Variants in TENM2 observed in about 807,000 individuals in gnomAD.
The protein encoded by TENM2 is teneurin transmembrane protein 2.
TENM2 carries 52 observed loss-of-function variants against 245.2 expected under a neutral mutation model. The ratio of observed to expected loss-of-function variants is 0.21; its 90% CI spans 0.17 to 0.27. The LOEUF (loss-of-function observed/expected upper bound fraction) is 0.27. Among genes scored for constraint, TENM2 ranks in the 10% least tolerant of loss-of-function variants. TENM2 has a pLI of 1.00. For missense variants in TENM2, 3,046 were observed against 3,666.8 expected (o/e 0.83, Z 4.37); for synonymous variants, 1,363 against 1,438.9 (o/e 0.95, Z 1.19).
chr5:167,127,939 C>T, the TENM2 span, among the ~76,000 whole-genome samples: 4 of 152,194 alleles, frequency 2.6e-5, no homozygotes, highest in Admixed American at 2.0e-4. Flanking sequence ...CTACTTCAGC[C>T]CCTCCAGTGT....
At chr5:167,264,869 C>T in the TENM2 span, among the ~76,000 whole-genome samples, 2 of 152,102 alleles carry the variant, frequency 1.3e-5, no homozygotes, top group African/African-American at 2.4e-5. Flanking sequence ...TCAAATTGTA[C>T]CTAGGCATCT....
At chr5:167,134,066 G>C in the TENM2 span, among the ~76,000 whole-genome samples, 1 of 152,100 alleles carries the variant, frequency 6.6e-6, no homozygotes, top group African/African-American at 2.4e-5. Context: ...CCATAGAATA[G>C]TCATCAAAGA....
At chr5:167,723,839 C>T (rs1759805332) in intron 2 of TENM2, among the ~76,000 whole-genome samples, 1 of 152,174 alleles carries the variant, frequency 6.6e-6, no homozygotes, top group African/African-American at 2.4e-5. Context: ...CATTACTGTT[C>T]ATGGAGCCCT....
intron 12 of TENM2, among the ~76,000 whole-genome samples, chr5:168,142,376 G>T (rs965669907): frequency 6.6e-6 from 1 of 152,124 alleles, no homozygotes; most frequent in African/African-American, 2.4e-5. Context: ...TTTAAATTTC[G>T]GCTTCCATCA....
At chr5:167,254,198 C>T in the TENM2 span, among the ~76,000 whole-genome samples, 1 of 152,100 alleles carries the variant, frequency 6.6e-6, no homozygotes, top group East Asian at 1.9e-4. Flanking sequence ...TTATAGTGTG[C>T]AGAACCAGGG....
chr5:167,865,791 A>C (rs1043822470), intron 2 of TENM2, among the ~76,000 whole-genome samples: 2 of 152,178 alleles, frequency 1.3e-5, no homozygotes, highest in Non-Finnish European at 2.9e-5. Context: ...CATACATTTA[A>C]ATTCAGAATC....
rs770647640 is a variant in TENM2 at position 167,776,624 on chromosome 5, A to ACC, written c.503-99362_503-99361insCC. On this transcript the variant is annotated intron_variant, in intron 2 of 28. Transcript: ENST00000518659. ...AAAAAAAAAAAAAAAAAAAAAAAAA[A>ACC]AACCATATATATGTATCTATATATA... 4.4e-4 allele frequency among the ~76,000 whole-genome samples: 27 copies of ACC among 61,266 alleles called. 1 individual carries two copies. The highest frequency in any genetic ancestry group is 2.0e-3 in the African/African-American group (27 of 13,620). 40.2% of individuals were successfully genotyped at this position (61,266 alleles called of 152,430 possible).
At chr5:167,829,835 A>G (rs1768311245) in intron 2 of TENM2, among the ~76,000 whole-genome samples, 1 of 152,178 alleles carries the variant, frequency 6.6e-6, no homozygotes, top group South Asian at 2.1e-4. Context: ...ATTAGCTGGC[A>G]TGTGACACCA....
intron 2 of TENM2, among the ~76,000 whole-genome samples, chr5:167,470,505 C>G (rs1378345940): frequency 3.9e-5 from 3 of 76,270 alleles, no homozygotes; most frequent in East Asian, 8.5e-4. Flanking sequence ...TCCTCAAAAT[C>G]TATTTGCAAT....
chr5:167,587,897 G>C (rs948245258), intron 2 of TENM2, among the ~76,000 whole-genome samples: 9 of 151,966 alleles, frequency 5.9e-5, no homozygotes, highest in African/African-American at 2.2e-4. Context: ...TCCCCCCTTA[G>C]CCCGTGAGCC....
In TENM2 at chr5:167,842,408, G is replaced by T. The variant is rs576373599; in HGVS notation, c.503-33578G>T. On this transcript the variant is annotated intron_variant, in intron 2 of 28. Transcript: ENST00000518659. ...GTTCAAGACCAGCCTGGCCAACTTG[G>T]TGAAAGACTATCTCTACTAAAAATA... Among the ~76,000 whole-genome samples the T allele has an allele frequency of 2.6e-5, 4 of 151,880 alleles. No homozygotes were observed. In the East Asian group the frequency reaches 7.8e-4, roughly 29 times the overall value.
chr5:167,665,098 C>T (rs993497210), intron 2 of TENM2, among the ~76,000 whole-genome samples: 3 of 152,228 alleles, frequency 2.0e-5, no homozygotes, highest in African/African-American at 7.2e-5. Flanking sequence ...TGTCCAAATA[C>T]AGGCTTTATC....
At chr5:167,394,439 C>G (rs1761937817) in intron 2 of TENM2, among the ~76,000 whole-genome samples, 1 of 151,946 alleles carries the variant, frequency 6.6e-6, no homozygotes, top group Non-Finnish European at 1.5e-5. Flanking sequence ...ATAAATGTGG[C>G]TTTATTTCTG....
chr5:167,149,525 C>G, the TENM2 span, among the ~76,000 whole-genome samples: 1 of 152,064 alleles, frequency 6.6e-6, no homozygotes, highest in Admixed American at 6.6e-5. Flanking sequence ...GTGCTCTGAT[C>G]TTCCTAAACT....
the TENM2 span, among the ~76,000 whole-genome samples, chr5:167,062,503 G>GAA: frequency 0.083 from 12,421 of 149,590 alleles, 948 homozygotes; most frequent in African/African-American, 0.2. Context: ...AATACACATT[G>GAA]AAAAAAAAAA....
At chr5:166,980,618 C>G in the TENM2 span, among the ~76,000 whole-genome samples, 1 of 152,086 alleles carries the variant, frequency 6.6e-6, no homozygotes. Flanking sequence ...AGTAGAAAAA[C>G]TGAAGGGCCA....
chr5:167,745,635 C>A (rs1265503102), intron 2 of TENM2, among the ~76,000 whole-genome samples: 1 of 152,182 alleles, frequency 6.6e-6, no homozygotes, highest in African/African-American at 2.4e-5. Context: ...AGAATATTTT[C>A]ATCATCCAAA....
intron 1 of TENM2, among the ~76,000 whole-genome samples, chr5:167,336,552 G>A (rs1320462356): frequency 6.6e-6 from 1 of 152,034 alleles, no homozygotes; most frequent in Non-Finnish European, 1.5e-5. Context: ...ATGGAAATTT[G>A]AGCAGAACGG....
At chr5:167,383,312 C>T (rs950705167) in intron 2 of TENM2, among the ~76,000 whole-genome samples, 2 of 152,074 alleles carry the variant, frequency 1.3e-5, no homozygotes, top group African/African-American at 2.4e-5. Context: ...TGTTGACCTT[C>T]GTGGGTCTTG....
Sources: gnomAD v4.1 joint callset for allele counts (sites outside exome capture counted in the v4.1 genomes callset) on GRCh38, gnomAD v4.1.1 for gene constraint, MANE v1.5 for transcripts, NCBI Gene and HGNC (gene_info 2026-07-23, HGNC 2026-07-21) for gene names.